The following BIK variants were observed in gnomAD, a reference collection of about 807,000 sequenced individuals.
The protein encoded by BIK is bcl-2-interacting killer.
Under a neutral mutation model 12.1 loss-of-function variants are expected in BIK, and 14 were observed. The ratio of observed to expected loss-of-function variants is 1.16; its 90% confidence interval spans 0.77 to 1.81. BIK has a LOEUF of 1.81. Among genes scored for constraint, BIK ranks in the 40% most tolerant of loss-of-function variants. The pLI is 0.00. For missense variants in BIK, 215 were observed against 207.9 expected (o/e 1.03, Z -0.21); for synonymous variants, 86 against 92.3 (o/e 0.93, Z 0.39).
chr22:43,128,093 TAA>T, intron 3 of BIK, among the ~76,000 whole-genome samples: 1 of 151,672 alleles, frequency 6.6e-6, no homozygotes, highest in Non-Finnish European at 1.5e-5. Context: ...ACCGTGGTCT[TAA>T]GAGGGGGTGC....
rs563513998 is a variant in BIK, at chr22:43,125,697, G to A, written c.161+1514G>A. Among the ~76,000 whole-genome samples, 3 of 152,114 alleles carry A rather than the reference G, an allele frequency of 2.0e-5. 1 individual carries two copies. The East Asian group carries it at 5.8e-4, about 29-fold the overall frequency. On this transcript the variant is annotated intron_variant, in intron 2 of 4. Transcript: ENST00000216115. ...AGATTGCACCACTGCACTCCAGCCT[G>A]GGTAACAGAGTAAGACTCCGTTTCA...
intron 1 of BIK, among the ~76,000 whole-genome samples, chr22:43,120,579 G>GAGACC (rs1360814945): frequency 6.6e-6 from 1 of 152,228 alleles, no homozygotes; most frequent in African/African-American, 2.4e-5. Flanking sequence ...CTGAAGGCTG[G>GAGACC]AGACCAGTAA....
At chr22:43,127,321 G>T (rs747448719) in intron 2 of BIK, among the ~76,000 whole-genome samples, 1 of 151,928 alleles carries the variant, frequency 6.6e-6, no homozygotes, top group African/African-American at 2.4e-5. Flanking sequence ...CCATCCGGGG[G>T]ACTCAGCACC....
rs1158027392 is a variant in BIK, at chr22:43,110,800, C to T, written c.-11C>T. The T allele has an allele frequency of 6.6e-6, 1 of 152,240 alleles. No individual in the cohort carries two copies. Among genetic ancestry groups the T allele is most frequent in the Non-Finnish European group, 1.5e-5 (1 of 68,086 alleles). The allele number at this position is 152,240 out of a possible 1,614,324, so 9.4% of individuals were successfully genotyped here. On this transcript the variant is annotated 5_prime_UTR_variant, in exon 1 of 5. Transcript: ENST00000216115. ...ACAGACGCTGCCAGCATCGCCGCCG[C>T]CAGGTGAGTGCCCCCGACCCTGCTG...
Position 43,129,241 on chromosome 22 carries a change from TGCTGCTGCTGCTGGC to T in BIK, c.431_445del (p.Leu144_Leu148del), listed in dbSNP as rs769377877. The T allele has an allele frequency of 2.6e-6, 4 of 1,566,826 alleles. No homozygotes were observed. Among genetic ancestry groups the T allele is most frequent in the South Asian group, 1.1e-5 (1 of 87,140 alleles). ...TCCTGCGAACAGGTGCTGCTGGCGC[TGCTGCTGCTGCTGGC>T]GCTGCTGCTGCCGCTGCTCAGCGGG... On this transcript the variant is annotated inframe_deletion, in exon 5 of 5. Coordinates refer to ENST00000216115, the MANE Select transcript of BIK (RefSeq NM_001197.5).
chr22:43,126,029 C>T (rs1446069949), intron 2 of BIK, among the ~76,000 whole-genome samples: 1 of 140,650 alleles, frequency 7.1e-6, no homozygotes, highest in Non-Finnish European at 1.5e-5. Flanking sequence ...AGGACCTGCA[C>T]TTTTTTTTTT....
chr22:43,111,293 G>T (rs1930005915), intron 1 of BIK, among the ~76,000 whole-genome samples: 1 of 152,160 alleles, frequency 6.6e-6, no homozygotes, highest in Non-Finnish European at 1.5e-5. Context: ...GCTCCCGGAG[G>T]CGCTGCGCAC....
Position 43,121,940 on chromosome 22 carries a change from A to G in BIK, c.-7-2076A>G, listed in dbSNP as rs4988404. 4.5e-3 allele frequency among the ~76,000 whole-genome samples: 679 copies of G among 152,324 alleles called. 7 individuals are homozygous for G. The highest frequency in any genetic ancestry group is 0.015 in the African/African-American group (643 of 41,570). On this transcript the variant is annotated intron_variant, in intron 1 of 4. Coordinates refer to ENST00000216115, the MANE Select transcript of BIK (RefSeq NM_001197.5). The stretch of plus-strand genomic sequence containing the variant: ...GAGGCGGGGTTTTACCATGTTGGCC[A>G]GGCTGGTCTCAAACTCCTGACCTCA...
At chr22:43,125,263 T>G (rs1389777079) in intron 2 of BIK, among the ~76,000 whole-genome samples, 1 of 152,174 alleles carries the variant, frequency 6.6e-6, no homozygotes, top group Non-Finnish European at 1.5e-5. Context: ...GTAACCTGTA[T>G]CTTATGCTGA....
intron 1 of BIK, among the ~76,000 whole-genome samples, chr22:43,116,609 C>T (rs1481319248): frequency 1.3e-5 from 2 of 152,218 alleles, no homozygotes; most frequent in South Asian, 4.1e-4. Flanking sequence ...CAGGCGCCCA[C>T]CCCCACGCCC....
chr22:43,128,410 C>G, intron 3 of BIK, 86 bp from the exon 4 acceptor site: 1 of 1,526,140 alleles, frequency 6.6e-7, no homozygotes, highest in East Asian at 2.3e-5. Flanking sequence ...CTGCTCCCCA[C>G]AGCTGTGATG....
intron 1 of BIK, among the ~76,000 whole-genome samples, chr22:43,123,415 A>G (rs1930253536): frequency 6.6e-6 from 1 of 152,044 alleles, no homozygotes; most frequent in South Asian, 2.1e-4. Flanking sequence ...GTGTCCGAGG[A>G]GAACTTCTAA....
Position 43,129,427 on chromosome 22 carries a change from A to G in BIK, c.*122A>G. On this transcript the variant is annotated 3_prime_UTR_variant, in exon 5 of 5. Transcript: ENST00000216115. ...GATGCCTTTTTATATTTAAACCCCGAGATAGTGCTGGAACACTGCTGAGGT... is the reference window on the plus strand; with the variant it reads ...GATGCCTTTTTATATTTAAACCCCGGGATAGTGCTGGAACACTGCTGAGGT... The G allele has an allele frequency of 7.1e-7, 1 of 1,399,786 alleles. No homozygotes were observed. The highest frequency in any genetic ancestry group is 2.5e-5 in the East Asian group (1 of 39,836). The allele number at this position is 1,399,786 out of a possible 1,614,324, so 86.7% of individuals were successfully genotyped here.
chr22:43,120,844 G>A (rs1360794923), intron 1 of BIK, among the ~76,000 whole-genome samples: 1 of 152,230 alleles, frequency 6.6e-6, no homozygotes, highest in African/African-American at 2.4e-5. Flanking sequence ...GAGGCCAGAT[G>A]GTTAAAGGTT....
chr22:43,127,443 G>A (rs1200279511), intron 2 of BIK, among the ~76,000 whole-genome samples: 2 of 152,200 alleles, frequency 1.3e-5, no homozygotes, highest in African/African-American at 4.8e-5. Flanking sequence ...AGGTGGGCCT[G>A]CCCCAGGATT....
intron 1 of BIK, among the ~76,000 whole-genome samples, chr22:43,120,750 A>G (rs868189163): frequency 6.6e-6 from 1 of 152,208 alleles, no homozygotes; most frequent in African/African-American, 2.4e-5. Context: ...TCCCATGCAG[A>G]TCTGGGCCCT....
chr22:43,116,616 G>A (rs1031215790), intron 1 of BIK, among the ~76,000 whole-genome samples: 4 of 152,074 alleles, frequency 2.6e-5, no homozygotes, highest in African/African-American at 7.2e-5. Flanking sequence ...CCACCCCCAC[G>A]CCCGGCTAAT....
chr22:43,126,410 C>G (rs981362383), intron 2 of BIK, among the ~76,000 whole-genome samples: 1 of 152,130 alleles, frequency 6.6e-6, no homozygotes, highest in Admixed American at 6.5e-5. Flanking sequence ...TGGTCTCGAT[C>G]TCCTGACCTC....
At chr22:43,129,144 C>G in intron 4 of BIK, 69 bp from the exon 5 acceptor site, 1 of 1,598,424 alleles carries the variant, frequency 6.3e-7, no homozygotes, top group African/African-American at 1.3e-5. Context: ...CTTGGCACTC[C>G]GCTGTCACCC....
Sources: allele counts gnomAD v4.1 joint callset (sites outside exome capture counted in the v4.1 genomes callset), GRCh38; gene constraint gnomAD v4.1.1; transcripts MANE v1.5; gene names NCBI Gene and HGNC (gene_info 2026-07-23, HGNC 2026-07-21).